The following AGPAT3 variants were observed in gnomAD, a reference collection of about 807,000 sequenced individuals.
The protein encoded by AGPAT3 is 1-acylglycerol-3-phosphate O-acyltransferase 3, also known as 1-acyl-sn-glycerol-3-phosphate acyltransferase gamma.
Under a neutral mutation model 47.3 loss-of-function variants are expected in AGPAT3, and 5 were observed. The ratio of observed to expected loss-of-function variants is 0.11; its 90% confidence interval spans 0.06 to 0.22. The LOEUF (loss-of-function observed/expected upper bound fraction) is 0.22. Ranked by LOEUF, AGPAT3 falls within the 10% of genes least tolerant of loss-of-function variation. The pLI, the probability that AGPAT3 is intolerant of heterozygous loss-of-function variation, is 1.00. For synonymous variants in AGPAT3, 212 were observed against 208.3 expected, an observed-to-expected ratio of 1.02 and a Z score of -0.15; for missense variants, 315 against 493.0, an observed-to-expected ratio of 0.64 and a Z score of 3.42.
chr21:43,865,591 C>T (rs1267561254), intron 1 of AGPAT3, among the ~76,000 whole-genome samples: 2 of 150,140 alleles, frequency 1.3e-5, no homozygotes, highest in East Asian at 2.0e-4. Context: ...CCGGCCTCCC[C>T]GGCGGCCTGG....
chr21:43,911,333 G>T (rs181284518), intron 2 of AGPAT3, among the ~76,000 whole-genome samples: 1 of 151,982 alleles, frequency 6.6e-6, no homozygotes, highest in African/African-American at 2.4e-5. Flanking sequence ...ACTAGAACCC[G>T]AGTGTGCTTT....
intron 2 of AGPAT3, among the ~76,000 whole-genome samples, chr21:43,938,939 C>T (rs1284785177): frequency 1.3e-5 from 2 of 152,164 alleles, no homozygotes; most frequent in African/African-American, 4.8e-5. Flanking sequence ...TGCCCCATCA[C>T]GCTCTCTCCT....
intron 2 of AGPAT3, among the ~76,000 whole-genome samples, chr21:43,949,858 G>A (rs2088102120): frequency 6.6e-6 from 1 of 152,192 alleles, no homozygotes; most frequent in Non-Finnish European, 1.5e-5. Context: ...GTGGTCTGCT[G>A]GGCCCCTCTC....
intron 2 of AGPAT3, among the ~76,000 whole-genome samples, chr21:43,958,287 G>T (rs911209250): frequency 1.3e-5 from 2 of 152,018 alleles, no homozygotes; most frequent in African/African-American, 4.8e-5. Flanking sequence ...TTGTGTGTGT[G>T]AGACTGTGGT....
chr21:43,938,820 C>G (rs1185091964), intron 2 of AGPAT3, among the ~76,000 whole-genome samples: 1 of 152,196 alleles, frequency 6.6e-6, no homozygotes, highest in Non-Finnish European at 1.5e-5. Flanking sequence ...GCGGGCGATT[C>G]TGGGTGTCAC....
At chr21:43,898,453 T>G (rs2086277360) in intron 1 of AGPAT3, among the ~76,000 whole-genome samples, 1 of 152,210 alleles carries the variant, frequency 6.6e-6, no homozygotes, top group Non-Finnish European at 1.5e-5. Flanking sequence ...CGTTTTACAC[T>G]CGGGAATATC....
intron 2 of AGPAT3, among the ~76,000 whole-genome samples, chr21:43,936,941 A>G (rs2087468542): frequency 6.6e-6 from 1 of 152,220 alleles, no homozygotes; most frequent in African/African-American, 2.4e-5. Flanking sequence ...AAAAAATGAC[A>G]TATTTAGAAG....
At chr21:43,911,948 A>G (rs1363991672) in intron 2 of AGPAT3, among the ~76,000 whole-genome samples, 1 of 152,228 alleles carries the variant, frequency 6.6e-6, no homozygotes, top group Non-Finnish European at 1.5e-5. Flanking sequence ...AATTCAAAGC[A>G]AAGGCTGCCC....
rs74355538 is a variant in AGPAT3 at position 43,984,982 on chromosome 21, G to A, written c.*2590G>A. The A allele has an allele frequency of 5.3e-3, 2,082 of 392,742 alleles. 23 individuals carry two copies. The highest frequency in any genetic ancestry group is 0.051 in the Middle Eastern group (128 of 2,512). The allele number at this position is 392,742 out of a possible 1,614,324, so 24.3% of individuals were successfully genotyped here. ...CTGCACCCAGTCCTTGAGCCAGGCC[G>A]AGGACAGGAAGGGCATTGCTGGCCT... On this transcript the variant is annotated 3_prime_UTR_variant, in exon 10 of 10. Coordinates refer to ENST00000291572, the MANE Select transcript of AGPAT3 (RefSeq NM_020132.5).
intron 3 of AGPAT3, among the ~76,000 whole-genome samples, chr21:43,962,846 T>C (rs1276043440): frequency 6.6e-6 from 1 of 151,766 alleles, no homozygotes; most frequent in Non-Finnish European, 1.5e-5. Context: ...TAAATATGAA[T>C]TCATAATCAA....
At chr21:43,909,405 C>T (rs1255756472) in intron 2 of AGPAT3, among the ~76,000 whole-genome samples, 2 of 151,944 alleles carry the variant, frequency 1.3e-5, no homozygotes, top group Non-Finnish European at 2.9e-5. Context: ...ACGCCATTCT[C>T]CTGCCTCAGC....
In AGPAT3 at chr21:43,922,326, G is replaced by T. The variant is rs936608899; in HGVS notation, c.-49+18307G>T. 9.9e-5 allele frequency among the ~76,000 whole-genome samples: 15 copies of T among 152,214 alleles called. No homozygotes were observed. The highest frequency in any genetic ancestry group is 9.2e-4 in the Admixed American group (14 of 15,288). ...GAACACATCAGCAAACAGGAAGCGT[G>T]GGGGGAAGCGTGCGTGCGAAGGAGT... On this transcript the variant is annotated intron_variant, in intron 2 of 9. Coordinates refer to ENST00000291572, the MANE Select transcript of AGPAT3 (RefSeq NM_020132.5). This position sits in a 1 kb window ranked among gnomAD's most constrained non-coding sequence, Gnocchi z 4.9.
At chr21:43,945,553 C>G (rs2087848565) in intron 2 of AGPAT3, among the ~76,000 whole-genome samples, 1 of 152,130 alleles carries the variant, frequency 6.6e-6, no homozygotes, top group African/African-American at 2.4e-5. Flanking sequence ...TTCTGTGGTT[C>G]AGGACAGGTC....
chr21:43,918,523 G>C (rs527863376), intron 2 of AGPAT3, among the ~76,000 whole-genome samples: 10 of 152,114 alleles, frequency 6.6e-5, no homozygotes, highest in Non-Finnish European at 1.5e-4. Context: ...AGAAAAATGG[G>C]GGACACTTGG....
chr21:43,947,272 G>A (rs1014298440), intron 2 of AGPAT3, among the ~76,000 whole-genome samples: 2 of 152,248 alleles, frequency 1.3e-5, no homozygotes, highest in African/African-American at 4.8e-5. Context: ...TCCGATTCCC[G>A]GTGAGACAGT....
At chr21:43,877,770 C>T (rs1180610006) in intron 1 of AGPAT3, among the ~76,000 whole-genome samples, 4 of 152,174 alleles carry the variant, frequency 2.6e-5, no homozygotes, top group African/African-American at 9.7e-5. Context: ...TGGGATCTGG[C>T]TGAGGATATC....
At position 43,978,664 on chromosome 21, in the gene AGPAT3, A is replaced by G. The variant is rs1024305697; in HGVS notation, c.843+543A>G. The stretch of plus-strand genomic sequence containing the variant: ...ACTACAGACAAGTATGAAGGGTAAC[A>G]TGATGCCTGTATAATTATGGCTGGT... On this transcript the variant is annotated intron_variant, in intron 8 of 9. Transcript: ENST00000291572. Among the ~76,000 whole-genome samples the G allele has an allele frequency of 9.8e-5, 15 of 152,374 alleles. No individual in the cohort carries two copies. In the East Asian group the frequency reaches 2.9e-3, roughly 29 times the overall value.
chr21:43,902,372 A>G (rs1178233714), intron 1 of AGPAT3, among the ~76,000 whole-genome samples: 1 of 152,264 alleles, frequency 6.6e-6, no homozygotes, highest in Admixed American at 6.5e-5. Flanking sequence ...TAGAACTGTA[A>G]GATTAATAGG....
intron 2 of AGPAT3, among the ~76,000 whole-genome samples, chr21:43,926,287 C>A (rs184966120): frequency 6.6e-6 from 1 of 152,226 alleles, no homozygotes; most frequent in East Asian, 1.9e-4. Context: ...TCTTGAGTAA[C>A]GCACTGGCGC....
Sources: allele counts gnomAD v4.1 joint callset (sites outside exome capture counted in the v4.1 genomes callset), GRCh38; gene constraint gnomAD v4.1.1; non-coding constraint Gnocchi (gnomAD v3.1); transcripts MANE v1.5; gene names NCBI Gene and HGNC (gene_info 2026-07-23, HGNC 2026-07-21).